Variants in TGDS observed in about 807,000 individuals in gnomAD.
The protein encoded by TGDS is UDP-D-glucose 4,6-dehydratase.
Under a neutral mutation model 52.3 loss-of-function variants are expected in TGDS, and 47 were observed. The ratio of observed to expected loss-of-function variants is 0.90; its 90% CI spans 0.71 to 1.15. The LOEUF (loss-of-function observed/expected upper bound fraction) is 1.15, where lower values mean the gene tolerates loss of function less well. Among genes scored for constraint, TGDS ranks in the 50% most tolerant of loss-of-function variants. TGDS has a pLI of 0.00. For synonymous variants in TGDS, 115 were observed against 136.9 expected (o/e 0.84, Z 1.12); for missense variants, 375 against 418.4 (o/e 0.90, Z 0.90).
Position 94,593,824 on chromosome 13 carries a change from A to AT in TGDS, c.153+16dup, listed in dbSNP as rs1419018807. ...AATGTAATTTCAGTGCATGATGCTC[A>AT]TTTTTATAAAACTCACCTTGTCTAG... On this transcript the variant is annotated intron_variant, in intron 2 of 11. Transcript: ENST00000261296. 6.7e-7 allele frequency: 1 copy of AT among 1,501,308 alleles called. No individual in the cohort carries two copies. The highest frequency in any genetic ancestry group is 2.3e-5 in the East Asian group (1 of 44,076). 93.0% of individuals were successfully genotyped at this position (1,501,308 alleles called of 1,614,324 possible).
At chr13:94,578,210 A>G in intron 8 of TGDS, 40 bp from the exon 9 acceptor site, 1 of 1,598,724 alleles carries the variant, frequency 6.3e-7, no homozygotes, top group Non-Finnish European at 8.6e-7. Context: ...AAGTGTAAAA[A>G]GGTAAACTCT....
chr13:94,584,411 T>C (rs750586245), intron 4 of TGDS, among the ~76,000 whole-genome samples: 30 of 152,310 alleles, frequency 2.0e-4, no homozygotes, highest in Non-Finnish European at 3.4e-4. Flanking sequence ...ATGGTGCTGT[T>C]GAGAACCAAG....
chr13:94,586,623 T>C (rs925139456), intron 4 of TGDS, among the ~76,000 whole-genome samples: 59 of 152,230 alleles, frequency 3.9e-4, no homozygotes, highest in African/African-American at 1.3e-3. Context: ...AGGACTACAA[T>C]CATAGAGTAC....
chr13:94,592,131 T>A, intron 3 of TGDS, 110 bp downstream of exon 3: 1 of 720,086 alleles, frequency 1.4e-6, no homozygotes, highest in Non-Finnish European at 2.2e-6. Context: ...AAAAGGTCTT[T>A]AATTAGTGTT....
chr13:94,574,990 G>A, intron 11 of TGDS, 138 bp from the exon 12 acceptor site: 1 of 500,240 alleles, frequency 2.0e-6, no homozygotes, highest in East Asian at 3.1e-5. Flanking sequence ...GACTAATGAT[G>A]TAAACAATTT....
intron 6 of TGDS, among the ~76,000 whole-genome samples, chr13:94,580,354 G>C (rs1888744794): frequency 6.6e-6 from 1 of 152,220 alleles, no homozygotes; most frequent in Non-Finnish European, 1.5e-5. Context: ...GAAAAGGACT[G>C]ATGCCACCAG....
intron 10 of TGDS, 79 bp downstream of exon 10, chr13:94,577,292 G>A: frequency 9.0e-7 from 1 of 1,115,438 alleles, no homozygotes; most frequent in Non-Finnish European, 1.3e-6. Flanking sequence ...CTAGTTATTG[G>A]TCAAGTCCAC....
chr13:94,575,482 G>T lies in TGDS; in HGVS notation c.983-630C>A, dbSNP rs560629701. Reference sequence around the variant, plus strand: ...TTTTTTTACTTTTTGTAGAGACAGGGTCTCGCTATATTTCCCAGGCTGGTC... The same window carrying T: ...TTTTTTTACTTTTTGTAGAGACAGGTTCTCGCTATATTTCCCAGGCTGGTC... On this transcript the variant is annotated intron_variant, in intron 11 of 11. Transcript: ENST00000261296. 9.9e-5 allele frequency among the ~76,000 whole-genome samples: 15 copies of T among 151,798 alleles called. No individual in the cohort carries two copies. In the South Asian group the frequency reaches 3.1e-3, roughly 32 times the overall value.
chr13:94,576,249 G>A (rs192225067), intron 11 of TGDS, 65 bp downstream of exon 11: 2 of 1,140,210 alleles, frequency 1.8e-6, no homozygotes, highest in East Asian at 5.0e-5. Flanking sequence ...TAATGTTCTG[G>A]AAATAAGTTA....
At chr13:94,585,567 G>A (rs1357202255) in intron 4 of TGDS, among the ~76,000 whole-genome samples, 2 of 152,026 alleles carry the variant, frequency 1.3e-5, no homozygotes, top group East Asian at 1.9e-4. Context: ...GGAGGCCCAG[G>A]TGGGTGGATC....
chr13:94,592,179 A>G, intron 3 of TGDS, 62 bp downstream of exon 3: 5 of 1,276,184 alleles, frequency 3.9e-6, no homozygotes, highest in East Asian at 2.4e-5. Flanking sequence ...GTAAAGTACA[A>G]AGATACTATA....
At chr13:94,582,216 G>T (rs1315848447) in intron 5 of TGDS, among the ~76,000 whole-genome samples, 1 of 149,898 alleles carries the variant, frequency 6.7e-6, no homozygotes, top group African/African-American at 2.4e-5. Context: ...AAAAAAAATA[G>T]ATTTTGGTTT....
chr13:94,578,338 A>G (rs1888674813), intron 8 of TGDS, among the ~76,000 whole-genome samples, 168 bp from the exon 9 acceptor site: 1 of 151,780 alleles, frequency 6.6e-6, no homozygotes, highest in Admixed American at 6.6e-5. Context: ...ATATTTCTTA[A>G]TCTCCAAACC....
intron 3 of TGDS, among the ~76,000 whole-genome samples, chr13:94,591,464 G>A (rs938852526): frequency 6.6e-6 from 1 of 152,072 alleles, no homozygotes; most frequent in South Asian, 2.1e-4. Flanking sequence ...ATGGTAGCAG[G>A]CGCCTGTAAT....
chr13:94,596,013 T>C (rs1186801431), intron 1 of TGDS, 38 bp downstream of exon 1: 1 of 1,611,888 alleles, frequency 6.2e-7, no homozygotes, highest in South Asian at 1.1e-5. Flanking sequence ...TAGGGGTTTC[T>C]GGGGAGCCAC....
chr13:94,580,670 C>T (rs1594442448), intron 6 of TGDS, among the ~76,000 whole-genome samples: 1 of 152,156 alleles, frequency 6.6e-6, no homozygotes, highest in Non-Finnish European at 1.5e-5. Context: ...TAACACTCTA[C>T]CTACTACTGA....
At position 94,575,159 on chromosome 13, in the gene TGDS, G is replaced by A. The variant is rs143774684; in HGVS notation, c.983-307C>T. On this transcript the variant is annotated intron_variant, in intron 11 of 11. Coordinates refer to ENST00000261296, the MANE Select transcript of TGDS (RefSeq NM_014305.4). ...ATTCTGATTTTAAGGAATTTGGGGT[G>A]TGGGAAATAAGTCATCTGCCCTGGT... Among the ~76,000 whole-genome samples the A allele has an allele frequency of 3.6e-3, 552 of 152,114 alleles. 2 individuals carry two copies. Among genetic ancestry groups the A allele is most frequent in the African/African-American group, 0.013 (531 of 41,502 alleles).
chr13:94,595,610 G>C (rs1352312767), intron 1 of TGDS, among the ~76,000 whole-genome samples: 4 of 152,144 alleles, frequency 2.6e-5, no homozygotes, highest in Non-Finnish European at 4.4e-5. Context: ...AGGAAGAAAA[G>C]GGTGTCAACA....
intron 4 of TGDS, among the ~76,000 whole-genome samples, chr13:94,587,592 A>G (rs1889035740): frequency 1.3e-5 from 2 of 152,254 alleles, no homozygotes; most frequent in Middle Eastern, 3.2e-3. Context: ...TTTTGAGTCA[A>G]ATTGATATGG....
Sources: gnomAD v4.1 joint callset for allele counts (sites outside exome capture counted in the v4.1 genomes callset) on GRCh38, gnomAD v4.1.1 for gene constraint, MANE v1.5 for transcripts, NCBI Gene and HGNC (gene_info 2026-07-23, HGNC 2026-07-21) for gene names.